The following EYS variants were observed in gnomAD, a reference collection of about 807,000 sequenced individuals.
EYS encodes EGF-like photoreceptor maintenance factor.
A neutral mutation model predicts 282.1 loss-of-function variants in EYS; 250 were observed. The observed-to-expected ratio is 0.89, with a 90% CI of 0.80 to 0.98. The LOEUF (loss-of-function observed/expected upper bound fraction) is 0.98, where lower values mean the gene tolerates loss of function less well. EYS is among the 50% of genes least tolerant of loss of function. EYS has a pLI of 0.00. For synonymous variants in EYS, 1,355 were observed against 1,282.9 expected, an observed-to-expected ratio of 1.06 and a Z score of -1.20; for missense variants, 4,016 against 3,709.0, an observed-to-expected ratio of 1.08 and a Z score of -2.15.
intron 33 of EYS, among the ~76,000 whole-genome samples, chr6:64,022,833 T>C (rs1347747567): frequency 1.3e-5 from 2 of 152,250 alleles, no homozygotes; most frequent in Non-Finnish European, 2.9e-5. Flanking sequence ...ATAACATTTC[T>C]TCTTTTTATA....
At chr6:63,747,868 A>C (rs900611240) in intron 41 of EYS, among the ~76,000 whole-genome samples, 1 of 151,768 alleles carries the variant, frequency 6.6e-6, no homozygotes, top group Non-Finnish European at 1.5e-5. Flanking sequence ...TGTCTCCTGA[A>C]TACAGCACAC....
intron 22 of EYS, among the ~76,000 whole-genome samples, chr6:64,713,006 T>C (rs74358300): frequency 0.019 from 2,882 of 152,268 alleles, 109 homozygotes; most frequent in African/African-American, 0.065. Context: ...AAAATATTCA[T>C]AAACCAAACA....
chr6:64,607,414 G>A (rs1766969200), intron 24 of EYS, among the ~76,000 whole-genome samples: 1 of 152,050 alleles, frequency 6.6e-6, no homozygotes, highest in African/African-American at 2.4e-5. Flanking sequence ...TCAGGAGGCT[G>A]GGAAGTACAA....
rs180944472 is a variant in EYS at position 64,471,856 on chromosome 6, C to A, written c.5645-32504G>T. Among the ~76,000 whole-genome samples, 61 of 152,188 alleles carry A rather than the reference C, an allele frequency of 4.0e-4. 1 individual carries two copies. In the East Asian group the frequency reaches 5.6e-3, roughly 14 times the overall value. ...GATGAAGAGAGTTGGCTAATATGTA[C>A]AAACATATAATTAGATAGAAGACAT... On this transcript the variant is annotated intron_variant, in intron 26 of 42. Coordinates refer to ENST00000503581, the MANE Select transcript of EYS (RefSeq NM_001142800.2).
At chr6:64,570,465 G>C (rs1477032444) in intron 26 of EYS, among the ~76,000 whole-genome samples, 1 of 152,120 alleles carries the variant, frequency 6.6e-6, no homozygotes, top group Non-Finnish European at 1.5e-5. Flanking sequence ...ATGTAAATGG[G>C]CTAAATGCCT....
intron 2 of EYS, among the ~76,000 whole-genome samples, chr6:65,594,142 T>C (rs947863806): frequency 1.3e-5 from 2 of 151,864 alleles, no homozygotes; most frequent in African/African-American, 4.8e-5. Flanking sequence ...TTATGATCAT[T>C]ATTATTATTA....
intron 2 of EYS, among the ~76,000 whole-genome samples, chr6:65,582,195 C>CAATA (rs1358647115): frequency 1.1e-5 from 1 of 87,582 alleles, no homozygotes; most frequent in Non-Finnish European, 2.2e-5. Context: ...GACTCCATCT[C>CAATA]AACAAATAAA....
chr6:64,094,041 A>C lies in EYS; in HGVS notation c.6425-12039T>G, dbSNP rs1280735966. ...GTGGTTTTTGTCTTTGGTTCTGTTT[A>C]TATGCTGGATTACATTTATTGATTT... On this transcript the variant is annotated intron_variant, in intron 31 of 42. Coordinates refer to ENST00000503581, the MANE Select transcript of EYS (RefSeq NM_001142800.2). Among the ~76,000 whole-genome samples the C allele has an allele frequency of 2.6e-5, 4 of 152,254 alleles. No individual in the cohort carries two copies. The South Asian group carries it at 6.2e-4, about 24-fold the overall frequency.
chr6:63,837,221 T>C (rs1474809101), intron 36 of EYS, among the ~76,000 whole-genome samples: 2 of 152,140 alleles, frequency 1.3e-5, no homozygotes, highest in African/African-American at 4.8e-5. Context: ...GACTTTGTTT[T>C]CTACATGCTA....
intron 31 of EYS, among the ~76,000 whole-genome samples, chr6:64,119,249 T>A (rs1054191688): frequency 6.6e-6 from 1 of 152,160 alleles, no homozygotes; most frequent in Non-Finnish European, 1.5e-5. Context: ...TTCACTGAAA[T>A]AACCATTTTA....
intron 11 of EYS, among the ~76,000 whole-genome samples, chr6:65,312,829 C>T (rs972380917): frequency 6.6e-6 from 1 of 152,092 alleles, no homozygotes; most frequent in Non-Finnish European, 1.5e-5. Context: ...ATACCTAGTT[C>T]AATGTTCCTG....
At chr6:64,527,279 C>A (rs1456771217) in intron 26 of EYS, among the ~76,000 whole-genome samples, 1 of 151,538 alleles carries the variant, frequency 6.6e-6, no homozygotes, top group Non-Finnish European at 1.5e-5. Context: ...TAAATAACAA[C>A]CAAAACAGGA....
intron 35 of EYS, among the ~76,000 whole-genome samples, chr6:63,878,568 C>T (rs1312674642): frequency 7.9e-5 from 12 of 152,144 alleles, no homozygotes; most frequent in Admixed American, 2.6e-4. Context: ...ATGCCCTGCC[C>T]GCAGAGGCAG....
intron 40 of EYS, among the ~76,000 whole-genome samples, chr6:63,763,763 A>G (rs2149656643): frequency 6.6e-6 from 1 of 151,630 alleles, no homozygotes; most frequent in South Asian, 2.1e-4. Flanking sequence ...TAAATTACCC[A>G]GTTTCAAGTA....
chr6:64,778,557 A>ACATG (rs1773753427), intron 22 of EYS, among the ~76,000 whole-genome samples: 1 of 152,064 alleles, frequency 6.6e-6, no homozygotes, highest in Non-Finnish European at 1.5e-5. Context: ...GAGAATTTAA[A>ACATG]CATGAATCTC....
chr6:64,210,985 T>A (rs1765750164), intron 31 of EYS, among the ~76,000 whole-genome samples: 2 of 152,204 alleles, frequency 1.3e-5, no homozygotes, highest in South Asian at 4.1e-4. Context: ...CTTGCACCAA[T>A]GGCCTTCCAG....
At chr6:64,388,955 AAAAC>A (rs1773007177) in intron 28 of EYS, 115 bp from the exon 29 acceptor site, 1 of 702,310 alleles carries the variant, frequency 1.4e-6, no homozygotes, top group African/African-American at 1.9e-5. Flanking sequence ...ATTTCACAAT[AAAAC>A]AAAGCCAGAA....
chr6:65,239,972 A>ATT (rs5876954), intron 12 of EYS, among the ~76,000 whole-genome samples: 6 of 144,136 alleles, frequency 4.2e-5, no homozygotes, highest in African/African-American at 1.3e-4. Flanking sequence ...ATATATTTTG[A>ATT]TTTTTTTTTT....
chr6:64,826,003 A>G (rs1446035061), intron 19 of EYS, among the ~76,000 whole-genome samples: 1 of 151,890 alleles, frequency 6.6e-6, no homozygotes, highest in Non-Finnish European at 1.5e-5. Context: ...TAGCACATCT[A>G]AAAGAAATAA....
Sources: allele counts gnomAD v4.1 joint callset (sites outside exome capture counted in the v4.1 genomes callset), GRCh38; gene constraint gnomAD v4.1.1; transcripts MANE v1.5; gene names NCBI Gene and HGNC (gene_info 2026-07-23, HGNC 2026-07-21).